Variants in PRKN observed in about 807,000 individuals in gnomAD.
PRKN encodes parkin RBR E3 ubiquitin protein ligase.
Under a neutral mutation model 59.5 loss-of-function variants are expected in PRKN, and 56 were observed. The observed-to-expected ratio is 0.94, with a 90% CI of 0.76 to 1.18. The LOEUF (loss-of-function observed/expected upper bound fraction) is 1.18. Among genes scored for constraint, PRKN ranks in the 50% most tolerant of loss-of-function variants. The pLI, the probability that PRKN is intolerant of heterozygous loss-of-function variation, is 0.00. For missense variants in PRKN, 657 were observed against 596.4 expected (o/e 1.10, Z -1.06); for synonymous variants, 250 against 222.1 (o/e 1.13, Z -1.12).
At chr6:161,631,426 A>G (rs1481791553) in intron 7 of PRKN, among the ~76,000 whole-genome samples, 1 of 152,248 alleles carries the variant, frequency 6.6e-6, no homozygotes, top group African/African-American at 2.4e-5. Context: ...GGAGAAGAGT[A>G]GCTTTGCCAC....
chr6:162,418,565 C>T (rs1174062671), intron 2 of PRKN, among the ~76,000 whole-genome samples: 1 of 149,220 alleles, frequency 6.7e-6, no homozygotes, highest in Non-Finnish European at 1.5e-5. Flanking sequence ...GTTCCTGGAG[C>T]TTCAGATGTA....
At chr6:161,855,099 G>T (rs112809673) in intron 6 of PRKN, among the ~76,000 whole-genome samples, 8 of 131,088 alleles carry the variant, frequency 6.1e-5, no homozygotes, top group Non-Finnish European at 9.8e-5. Context: ...AAAAAAAAAA[G>T]AAAAAAAAAA....
chr6:161,740,773 T>C (rs1433488096), intron 7 of PRKN, among the ~76,000 whole-genome samples: 1 of 152,198 alleles, frequency 6.6e-6, no homozygotes, highest in East Asian at 1.9e-4. Flanking sequence ...TTGTTGGTCA[T>C]TAAGGAATTT....
chr6:161,993,368 G>A (rs1382550411), intron 5 of PRKN, among the ~76,000 whole-genome samples: 2 of 151,910 alleles, frequency 1.3e-5, no homozygotes, highest in Non-Finnish European at 1.5e-5. Flanking sequence ...TATAAACCTT[G>A]GACACATACA....
rs1354109540 is a variant in PRKN at position 161,461,497 on chromosome 6, A to T, written c.1084-74620T>A. Among the ~76,000 whole-genome samples the T allele has an allele frequency of 1.3e-5, 2 of 152,126 alleles. No individual in the cohort carries two copies. Among genetic ancestry groups the T allele is most frequent in the African/African-American group, 4.8e-5 (2 of 41,438 alleles). Reference sequence around the variant, plus strand: ...AATACACTCAAGGCAGGAAGAGTGTAGGTTGTTCCAGTAGTTGAGGTAAAG... The same window carrying T: ...AATACACTCAAGGCAGGAAGAGTGTTGGTTGTTCCAGTAGTTGAGGTAAAG... On this transcript the variant is annotated intron_variant, in intron 9 of 11. Transcript: ENST00000366898. This position sits in a 1 kb window ranked among gnomAD's most constrained non-coding sequence, Gnocchi z 5.1.
chr6:162,503,606 A>G (rs2128188547), intron 1 of PRKN, among the ~76,000 whole-genome samples: 1 of 152,344 alleles, frequency 6.6e-6, no homozygotes, highest in African/African-American at 2.4e-5. Context: ...TAACCAAGCA[A>G]TAGGAAGATA....
At chr6:162,424,197 AG>A (rs1176713118) in intron 2 of PRKN, among the ~76,000 whole-genome samples, 9 of 152,228 alleles carry the variant, frequency 5.9e-5, no homozygotes, top group Non-Finnish European at 1.5e-5. Context: ...ATCCTGGAAA[AG>A]GCACAGCTAT....
intron 5 of PRKN, among the ~76,000 whole-genome samples, chr6:161,983,939 G>A (rs1781341426): frequency 6.6e-6 from 1 of 151,762 alleles, no homozygotes; most frequent in Non-Finnish European, 1.5e-5. Context: ...AAGGTTTGCA[G>A]TCATTACTGA....
intron 4 of PRKN, among the ~76,000 whole-genome samples, chr6:162,117,812 T>A (rs1334364829): frequency 6.6e-6 from 1 of 152,142 alleles, no homozygotes; most frequent in Admixed American, 6.6e-5. Flanking sequence ...AGTAAACATT[T>A]TTGGGCCGAT....
At chr6:162,384,864 G>A (rs920704587) in intron 2 of PRKN, among the ~76,000 whole-genome samples, 1 of 152,054 alleles carries the variant, frequency 6.6e-6, no homozygotes, top group African/African-American at 2.4e-5. Context: ...AGGAAGTAGA[G>A]TAAGTAGGCA....
intron 6 of PRKN, among the ~76,000 whole-genome samples, chr6:161,882,000 G>A (rs992689168): frequency 2.0e-5 from 3 of 152,114 alleles, no homozygotes; most frequent in African/African-American, 7.2e-5. Context: ...ATTTAAAACT[G>A]TTGGTGGGCA....
Position 161,407,729 on chromosome 6 carries a change from G to C in PRKN, c.1084-20852C>G, listed in dbSNP as rs1223618596. ...GCCAAAGAAAAACCACAAAAGAAGTGAAACAGCCAGCTCCTGCCATAACTG... is the reference window on the plus strand; with the variant it reads ...GCCAAAGAAAAACCACAAAAGAAGTCAAACAGCCAGCTCCTGCCATAACTG... On this transcript the variant is annotated intron_variant, in intron 9 of 11. Coordinates refer to ENST00000366898, the MANE Select transcript of PRKN (RefSeq NM_004562.3). The surrounding 1 kb of genome is among the most constrained non-coding windows in gnomAD (Gnocchi z 4.9). Among the ~76,000 whole-genome samples, 3 of 152,098 alleles carry C rather than the reference G, an allele frequency of 2.0e-5. No individual in the cohort carries two copies. Among genetic ancestry groups the C allele is most frequent in the African/African-American group, 7.2e-5 (3 of 41,396 alleles).
chr6:162,665,228 A>G (rs1325866168), intron 1 of PRKN, among the ~76,000 whole-genome samples: 3 of 152,146 alleles, frequency 2.0e-5, no homozygotes, highest in Non-Finnish European at 4.4e-5. Flanking sequence ...AAATGGGAAG[A>G]CAGGAAGTCA....
At chr6:162,554,782 G>A (rs544473142) in intron 1 of PRKN, among the ~76,000 whole-genome samples, 9 of 152,282 alleles carry the variant, frequency 5.9e-5, no homozygotes, top group Admixed American at 3.3e-4. Flanking sequence ...CAGAGAAGGC[G>A]AAAGACCCAG....
intron 7 of PRKN, among the ~76,000 whole-genome samples, chr6:161,646,770 A>C (rs1005160098): frequency 6.6e-6 from 1 of 152,164 alleles, no homozygotes; most frequent in African/African-American, 2.4e-5. Context: ...CTGGGAGTTG[A>C]ATGCCACAAC....
At chr6:161,612,872 G>T (rs1409840324) in intron 7 of PRKN, among the ~76,000 whole-genome samples, 1 of 152,080 alleles carries the variant, frequency 6.6e-6, no homozygotes. Flanking sequence ...TGCTCAGAAA[G>T]AAATATTCCT....
At chr6:161,825,569 C>T (rs1192038944) in intron 6 of PRKN, among the ~76,000 whole-genome samples, 1 of 152,160 alleles carries the variant, frequency 6.6e-6, no homozygotes, top group Non-Finnish European at 1.5e-5. Flanking sequence ...TTTACCCGGC[C>T]CTCATCCCCA....
At chr6:162,358,371 T>C (rs1784968007) in intron 2 of PRKN, among the ~76,000 whole-genome samples, 1 of 152,234 alleles carries the variant, frequency 6.6e-6, no homozygotes, top group Non-Finnish European at 1.5e-5. Context: ...TTCCACAATC[T>C]AATTCAATCA....
rs905152783 is a variant in PRKN, at chr6:162,449,740, T to C, written c.8-6267A>G. On this transcript the variant is annotated intron_variant, in intron 1 of 11. Transcript: ENST00000366898. ...CTCATTTCATCTCCCCACTTATACATAGAGGCCAGGATTTTTGCCTTTTAT... is the reference window on the plus strand; with the variant it reads ...CTCATTTCATCTCCCCACTTATACACAGAGGCCAGGATTTTTGCCTTTTAT... Among the ~76,000 whole-genome samples the C allele has an allele frequency of 2.6e-5, 4 of 152,278 alleles. No homozygotes were observed. In the Middle Eastern group the frequency reaches 0.01, roughly 388 times the overall value.
Sources: allele counts gnomAD v4.1 joint callset (sites outside exome capture counted in the v4.1 genomes callset), GRCh38; gene constraint gnomAD v4.1.1; non-coding constraint Gnocchi (gnomAD v3.1); transcripts MANE v1.5; gene names NCBI Gene and HGNC (gene_info 2026-07-23, HGNC 2026-07-21).